FANCD2: variants seen among roughly 807,000 people sequenced by gnomAD.
The protein encoded by FANCD2 is FA complementation group D2, also known as Fanconi anemia group D2 protein.
Under a neutral mutation model 192.3 loss-of-function variants are expected in FANCD2, and 131 were observed. The ratio of observed to expected loss-of-function variants is 0.68; its 90% CI spans 0.59 to 0.79. The LOEUF is 0.79. FANCD2 is among the 30% of genes least tolerant of loss of function. The pLI, the probability that FANCD2 is intolerant of heterozygous loss-of-function variation, is 0.00. For missense variants in FANCD2, 1,508 were observed against 1,701.6 expected (o/e 0.89, Z 2.00); for synonymous variants, 524 against 612.5 (o/e 0.86, Z 2.13).
intron 2 of FANCD2, among the ~76,000 whole-genome samples, chr3:10,031,315 A>G (rs994632585): frequency 3.3e-5 from 5 of 152,220 alleles, no homozygotes; most frequent in East Asian, 1.9e-4. Flanking sequence ...CATCTTGGCT[A>G]ACATGGTGAA....
chr3:10,096,199 A>C (rs1050220670), intron 41 of FANCD2, 127 bp from the exon 42 acceptor site: 4 of 938,180 alleles, frequency 4.3e-6, no homozygotes, highest in Non-Finnish European at 6.8e-6. Context: ...TTCCTGTTTG[A>C]TGGAACATAC....
intron 26 of FANCD2, 96 bp from the exon 27 acceptor site, chr3:10,072,775 G>A (rs1487523100): frequency 2.6e-6 from 2 of 762,348 alleles, no homozygotes; most frequent in Non-Finnish European, 4.8e-6. Flanking sequence ...TGGTAATTTT[G>A]GAAACTAGTT....
chr3:10,038,255 G>A (rs900198141), intron 7 of FANCD2, among the ~76,000 whole-genome samples: 1 of 152,158 alleles, frequency 6.6e-6, no homozygotes, highest in Non-Finnish European at 1.5e-5. Context: ...GCCCCACAAA[G>A]TGCTGGGATT....
rs371273577 is a variant in FANCD2 at position 10,042,640 on chromosome 3, G to A, written c.865G>A (p.Val289Ile). ...PVIIKFILHS[V>I]TAMDTLEVIS... ...GATAATAAAGTTCATTCTTCATTCC[G>A]TAACAGCCATGGATACACTTGAGGT... The change falls in exon 11 of 44, where the codon GTA (valine) becomes ATA (isoleucine). Residue 289 changes from valine (V) to isoleucine (I), a missense_variant. By Grantham distance (29) the Val-to-Ile change is conservative (BLOSUM62 3). Coordinates refer to ENST00000675286, the MANE Select transcript of FANCD2 (RefSeq NM_001018115.3). 20 of 1,613,522 alleles carry A rather than the reference G, an allele frequency of 1.2e-5. No homozygotes were observed. The highest frequency in any genetic ancestry group is 1.6e-4 in the Middle Eastern group (1 of 6,084).
rs2086816791 is a variant in FANCD2, at chr3:10,039,735, G to A, written c.585G>A (p.Lys195=). Residue 195 remains lysine, a synonymous_variant, in exon 9 of 44, where the codon AAG becomes AAA. Transcript: ENST00000675286. The part of the protein sequence containing the change: ...RVVDGKDLTT[K]IMQLISIAPE... ...TTCTACTGCAGGACCTCACCACCAA[G>A]ATCATGCAGCTGATCAGTATTGCTC... is the stretch of plus-strand genomic sequence containing the variant. 6.2e-7 allele frequency: 1 copy of A among 1,613,974 alleles called. No homozygotes were observed. The highest frequency in any genetic ancestry group is 1.3e-5 in the African/African-American group (1 of 74,890).
chr3:10,029,034 A>G lies in FANCD2; in HGVS notation c.64+313A>G, dbSNP rs545556102. Among the ~76,000 whole-genome samples, 4 of 152,306 alleles carry G rather than the reference A, an allele frequency of 2.6e-5. No homozygotes were observed. The South Asian group carries it at 8.3e-4, about 32-fold the overall frequency. On this transcript the variant is annotated intron_variant, in intron 2 of 43. Transcript: ENST00000675286. The stretch of plus-strand genomic sequence containing the variant: ...ATAACATAGTCTGTACCCTTAAAAA[A>G]CTTTATGGTCTTTCTTCCTCTCTTG...
Position 10,032,918 on chromosome 3 carries a change from C to T in FANCD2, c.151C>T (p.Leu51Phe), listed in dbSNP as rs769115043. ...AGAAAATGACAGCATCTTTGTAAAG[C>T]TTCTTAAGATATCAGGAATTATTCT... Reference protein sequence around the residue: ...VEENDSIFVKLLKISGIILKT... With the variant: ...VEENDSIFVKFLKISGIILKT... The change falls in exon 3 of 44, where the codon CTT becomes TTT. Residue 51 changes from leucine to phenylalanine, a missense_variant. Leu to Phe is a conservative substitution (Grantham distance 22). Transcript: ENST00000675286. 2.5e-6 allele frequency: 4 copies of T among 1,598,402 alleles called. No individual in the cohort carries two copies. The Admixed American group carries it at 6.7e-5, about 27-fold the overall frequency.
chr3:10,043,790 G>A, intron 13 of FANCD2, 39 bp from the exon 14 acceptor site: 1 of 1,597,590 alleles, frequency 6.3e-7, no homozygotes, highest in Non-Finnish European at 8.6e-7. Context: ...TTTCGCTGAT[G>A]TGTCATAATA....
chr3:10,086,006 G>T (rs1264810461), intron 33 of FANCD2, 84 bp downstream of exon 33: 2 of 865,584 alleles, frequency 2.3e-6, no homozygotes, highest in Non-Finnish European at 4.0e-6. Flanking sequence ...AATAACCTGG[G>T]TGTCTTTCAG....
chr3:10,065,484 T>C lies in FANCD2; in HGVS notation c.2259T>C (p.Asp753=), dbSNP rs550273287. The C allele has an allele frequency of 1.4e-5, 22 of 1,605,508 alleles. No individual in the cohort carries two copies. Among genetic ancestry groups the C allele is most frequent in the African/African-American group, 1.3e-4 (10 of 74,766 alleles). ...RQHNGNLEEI[D]GLLDCPIFLT... Reference sequence around the variant, plus strand: ...ATAACGGAAACTTGGAGGAGATTGATGGTCTACTAGGTATGGGATGAAGTC... The same window carrying C: ...ATAACGGAAACTTGGAGGAGATTGACGGTCTACTAGGTATGGGATGAAGTC... The change falls in exon 24 of 44, where the codon GAT becomes GAC. Residue 753 remains aspartate (D), a synonymous_variant. Transcript: ENST00000675286.
intron 18 of FANCD2, among the ~76,000 whole-genome samples, chr3:10,056,116 T>C (rs549347680): frequency 3.3e-5 from 5 of 152,334 alleles, no homozygotes; most frequent in African/African-American, 1.2e-4. Context: ...TCACCTCAGG[T>C]GATCCGCCTG....
At chr3:10,076,057 TTC>T (rs1295931876) in intron 29 of FANCD2, among the ~76,000 whole-genome samples, 29 of 151,954 alleles carry the variant, frequency 1.9e-4, no homozygotes, top group African/African-American at 7.0e-4. Context: ...TTTTTAATCT[TTC>T]TACATCATCT....
In FANCD2 at chr3:10,068,008, A is replaced by G. The variant is rs530978757; in HGVS notation, c.2494+691A>G. Reference sequence around the variant, plus strand: ...ATAAAAAACCCTCAGAAAACTGGGTATAGATCCATAGCTACTATTAAACTG... The same window carrying G: ...ATAAAAAACCCTCAGAAAACTGGGTGTAGATCCATAGCTACTATTAAACTG... On this transcript the variant is annotated intron_variant, in intron 26 of 43. Coordinates refer to ENST00000675286, the MANE Select transcript of FANCD2 (RefSeq NM_001018115.3). 1.8e-4 allele frequency among the ~76,000 whole-genome samples: 27 copies of G among 152,336 alleles called. No homozygotes were observed. The South Asian group carries it at 5.4e-3, about 30-fold the overall frequency.
In FANCD2 at chr3:10,081,340, T is replaced by A; in HGVS notation, c.3106-6T>A. On this transcript the variant is annotated splice_polypyrimidine_tract_variant and splice_region_variant and intron_variant, in intron 31 of 43. Transcript: ENST00000675286. ...GCAACTGTCCTAAAATCATTTTTATTTTTAGTGTTTAGCTGCTGAGAATCA... is the reference window on the plus strand; with the variant it reads ...GCAACTGTCCTAAAATCATTTTTATATTTAGTGTTTAGCTGCTGAGAATCA... The A allele has an allele frequency of 6.2e-7, 1 of 1,613,370 alleles. No individual in the cohort carries two copies. Among genetic ancestry groups the A allele is most frequent in the Non-Finnish European group, 8.5e-7 (1 of 1,179,288 alleles).
chr3:10,067,514 A>C (rs1480577089), intron 26 of FANCD2, among the ~76,000 whole-genome samples, 197 bp downstream of exon 26: 1 of 152,190 alleles, frequency 6.6e-6, no homozygotes, highest in Non-Finnish European at 1.5e-5. Flanking sequence ...TAAAAATATC[A>C]GCTGGGCACG....
intron 17 of FANCD2, among the ~76,000 whole-genome samples, chr3:10,050,426 C>T (rs917566276): frequency 2.7e-5 from 4 of 150,778 alleles, no homozygotes; most frequent in Non-Finnish European, 4.4e-5. Context: ...AGATCAAGAC[C>T]ATCCTGCCTA....
chr3:10,027,948 C>G (rs1312451991), intron 1 of FANCD2, among the ~76,000 whole-genome samples: 2 of 150,340 alleles, frequency 1.3e-5, no homozygotes, highest in Non-Finnish European at 3.0e-5. Flanking sequence ...CCGGGCGGCT[C>G]ACACCTGTAA....
chr3:10,034,634 T>G lies in FANCD2; in HGVS notation c.274-61T>G, dbSNP rs2086685667. On this transcript the variant is annotated intron_variant, in intron 4 of 43. Coordinates refer to ENST00000675286, the MANE Select transcript of FANCD2 (RefSeq NM_001018115.3). ...ATAAAGTTGAGTGGGCTAGAATGAT[T>G]TTTAACAGCAAATATTAAACTAAAA... 77 of 1,515,974 alleles carry G rather than the reference T, an allele frequency of 5.1e-5. 1 individual carries two copies. In the South Asian group the frequency reaches 8.5e-4, roughly 17 times the overall value. The allele number at this position is 1,515,974 out of a possible 1,614,324, so 93.9% of individuals were successfully genotyped here.
At chr3:10,081,016 G>A in intron 30 of FANCD2, 84 bp from the exon 31 acceptor site, 1 of 1,494,824 alleles carries the variant, frequency 6.7e-7, no homozygotes, top group Non-Finnish European at 9.3e-7. Flanking sequence ...GGTGACACAG[G>A]TTTGACTTGA....
Sources: gnomAD v4.1 joint callset for allele counts (sites outside exome capture counted in the v4.1 genomes callset) on GRCh38, gnomAD v4.1.1 for gene constraint, MANE v1.5 for transcripts, NCBI Gene and HGNC (gene_info 2026-07-23, HGNC 2026-07-21) for gene names.